Variants in ADAMTSL1 observed in about 807,000 individuals in gnomAD.
The protein encoded by ADAMTSL1 is ADAMTS like 1, also known as ADAMTS-like protein 1.
A neutral mutation model predicts 201.8 loss-of-function variants in ADAMTSL1; 126 were observed. The ratio of observed to expected loss-of-function variants is 0.62; its 90% CI spans 0.54 to 0.72. The LOEUF (loss-of-function observed/expected upper bound fraction) is 0.72. ADAMTSL1 is among the 30% of genes least tolerant of loss of function. The pLI is 0.00. For synonymous variants in ADAMTSL1, 1,121 were observed against 903.4 expected, an observed-to-expected ratio of 1.24 and a Z score of -4.32; for missense variants, 2,679 against 2,277.8, an observed-to-expected ratio of 1.18 and a Z score of -3.59.
At chr9:18,701,329 C>T (rs766468299) in intron 13 of ADAMTSL1, among the ~76,000 whole-genome samples, 10 of 151,502 alleles carry the variant, frequency 6.6e-5, no homozygotes, top group Admixed American at 1.3e-4. Flanking sequence ...AAGCAATTCT[C>T]CTGCCTCAGC....
chr9:18,524,434 C>A (rs1335589982), intron 2 of ADAMTSL1, among the ~76,000 whole-genome samples: 1 of 152,100 alleles, frequency 6.6e-6, no homozygotes, highest in Non-Finnish European at 1.5e-5. Flanking sequence ...CCCTTTATTT[C>A]TTTCTCCTGC....
At chr9:18,699,425 A>G (rs549610919) in intron 13 of ADAMTSL1, among the ~76,000 whole-genome samples, 48 of 151,324 alleles carry the variant, frequency 3.2e-4, no homozygotes, top group East Asian at 7.8e-4. Flanking sequence ...CCTGGGTGCA[A>G]GAGATCCTCC....
chr9:18,830,010 AGCCAGGACTGGACAGGATTTATG>A (rs1223557343), intron 23 of ADAMTSL1, 33 bp downstream of exon 23: 2 of 1,579,228 alleles, frequency 1.3e-6, no homozygotes, highest in Admixed American at 3.7e-5. Flanking sequence ...TTGGGCAGAA[AGCCAGGACTGGACAGGATTTATG>A]GATGGGTGAC....
At chr9:18,181,001 T>A (rs529838370) in intron 2 of ADAMTSL1, among the ~76,000 whole-genome samples, 1 of 152,258 alleles carries the variant, frequency 6.6e-6, no homozygotes, top group South Asian at 2.1e-4. Context: ...AACTATCTGA[T>A]CTTTGACAAA....
At chr9:17,986,961 T>C (rs915605150) in intron 1 of ADAMTSL1, among the ~76,000 whole-genome samples, 1 of 152,102 alleles carries the variant, frequency 6.6e-6, no homozygotes, top group Admixed American at 6.6e-5. Context: ...GCCATTTTAG[T>C]GTTTTATGAG....
intron 20 of ADAMTSL1, among the ~76,000 whole-genome samples, chr9:18,800,095 G>A (rs1563811488): frequency 6.6e-6 from 1 of 152,098 alleles, no homozygotes; most frequent in African/African-American, 2.4e-5. Flanking sequence ...AGGAAAAGTG[G>A]CCCAGGCACG....
chr9:18,758,566 C>T (rs1263340376), intron 16 of ADAMTSL1, among the ~76,000 whole-genome samples: 1 of 152,186 alleles, frequency 6.6e-6, no homozygotes, highest in Non-Finnish European at 1.5e-5. Flanking sequence ...TTCCTTGGCT[C>T]ATGGCCCCTT....
intron 14 of ADAMTSL1, among the ~76,000 whole-genome samples, chr9:18,712,728 A>C (rs183626855): frequency 2.1e-4 from 32 of 152,116 alleles, no homozygotes; most frequent in Admixed American, 1.8e-3. Flanking sequence ...GCCAACATTC[A>C]GATTCAGGAA....
At chr9:18,036,341 A>G (rs1821194759) in intron 1 of ADAMTSL1, among the ~76,000 whole-genome samples, 1 of 152,202 alleles carries the variant, frequency 6.6e-6, no homozygotes, top group Admixed American at 6.5e-5. Context: ...GATTCTCCGT[A>G]TACTCTGCAT....
chr9:18,420,708 A>G (rs1173322021), intron 2 of ADAMTSL1, among the ~76,000 whole-genome samples: 1 of 152,252 alleles, frequency 6.6e-6, no homozygotes, highest in Admixed American at 6.5e-5. Flanking sequence ...TTCAACAGGC[A>G]GCACATGGGA....
rs184244849 is a variant in ADAMTSL1, at chr9:18,615,061, G to T, written c.475-7182G>T. Among the ~76,000 whole-genome samples, 28 of 152,302 alleles carry T rather than the reference G, an allele frequency of 1.8e-4. No homozygotes were observed. In the East Asian group the frequency reaches 5.0e-3, roughly 27 times the overall value. ...GCTTATTTGTATAATGAGATGATTG[G>T]TGTTTTGGTGACCTTATGTAGTTTT... On this transcript the variant is annotated intron_variant, in intron 4 of 28. Coordinates refer to ENST00000380548, the MANE Select transcript of ADAMTSL1 (RefSeq NM_001040272.6).
intron 2 of ADAMTSL1, among the ~76,000 whole-genome samples, chr9:18,176,677 T>C (rs1828174782): frequency 6.6e-6 from 1 of 152,202 alleles, no homozygotes; most frequent in African/African-American, 2.4e-5. Flanking sequence ...TTACTGAGCA[T>C]CAACTTTACT....
intron 2 of ADAMTSL1, among the ~76,000 whole-genome samples, chr9:18,514,362 C>T (rs1818234542): frequency 8.1e-6 from 1 of 123,488 alleles, no homozygotes; most frequent in Non-Finnish European, 1.6e-5. Flanking sequence ...AACGAAGTCT[C>T]GCTGTCTCCC....
intron 2 of ADAMTSL1, among the ~76,000 whole-genome samples, chr9:18,465,480 C>G (rs1254157488): frequency 6.6e-6 from 1 of 152,148 alleles, no homozygotes; most frequent in African/African-American, 2.4e-5. Context: ...GCTGCTCCAG[C>G]CTTCACATCA....
At chr9:18,393,765 T>G (rs12352417) in intron 2 of ADAMTSL1, among the ~76,000 whole-genome samples, 19,754 of 152,146 alleles carry the variant, frequency 0.13, 1,599 homozygotes, top group South Asian at 0.25. Flanking sequence ...TCTCTCCTGT[T>G]AAATGCCCCA....
At chr9:18,262,134 C>A (rs1831947991) in intron 2 of ADAMTSL1, among the ~76,000 whole-genome samples, 1 of 152,076 alleles carries the variant, frequency 6.6e-6, no homozygotes, top group Non-Finnish European at 1.5e-5. Flanking sequence ...CCTACGACTT[C>A]ATTTTAGATA....
intron 23 of ADAMTSL1, among the ~76,000 whole-genome samples, chr9:18,834,880 G>A (rs919352878): frequency 1.3e-5 from 2 of 152,110 alleles, no homozygotes; most frequent in African/African-American, 4.8e-5. Context: ...GTTCAGAGAC[G>A]GAATCGTTAT....
intron 26 of ADAMTSL1, among the ~76,000 whole-genome samples, chr9:18,895,276 C>A (rs1303614728): frequency 6.6e-6 from 1 of 151,998 alleles, no homozygotes; most frequent in African/African-American, 2.4e-5. Flanking sequence ...ATAGAAGCAT[C>A]AAAAAAACAA....
intron 1 of ADAMTSL1, among the ~76,000 whole-genome samples, chr9:18,049,871 C>T (rs976765588): frequency 2.0e-5 from 3 of 152,204 alleles, no homozygotes; most frequent in Admixed American, 6.5e-5. Context: ...GATCTGCCTG[C>T]TTCGGCCTCC....
Sources: gnomAD v4.1 joint callset for allele counts (sites outside exome capture counted in the v4.1 genomes callset) on GRCh38, gnomAD v4.1.1 for gene constraint, MANE v1.5 for transcripts, NCBI Gene and HGNC (gene_info 2026-07-23, HGNC 2026-07-21) for gene names.